CEP135: variants seen among roughly 807,000 people sequenced by gnomAD.
CEP135 encodes the protein centrosomal protein 135.
In CEP135, 142 loss-of-function variants were observed where a neutral mutation model predicts 157.3. The observed-to-expected ratio is 0.90, with a 90% confidence interval of 0.79 to 1.04. CEP135 has a LOEUF of 1.04. Ranked by LOEUF, CEP135 falls within the 50% of genes least tolerant of loss-of-function variation. The pLI, the probability that CEP135 is intolerant of heterozygous loss-of-function variation, is 0.00. For missense variants in CEP135, 1,317 were observed against 1,309.2 expected (o/e 1.01, Z -0.09); for synonymous variants, 396 against 439.8 (o/e 0.90, Z 1.25).
At chr4:55,986,683 AGG>A (rs1560410571) in intron 14 of CEP135, among the ~76,000 whole-genome samples, 1 of 152,170 alleles carries the variant, frequency 6.6e-6, no homozygotes, top group African/African-American at 2.4e-5. Context: ...TTTTAGATTC[AGG>A]GGTACATGTA....
rs1560397171 is a variant in CEP135, at chr4:55,957,129, A to T, written c.473-94A>T. ...TGTCAATATGTATTATGAACTGCAG[A>T]CACACTTTATAACCGAAAGGCTAAC... On this transcript the variant is annotated intron_variant, in intron 4 of 25. Transcript: ENST00000257287. 1.2e-5 allele frequency: 16 copies of T among 1,314,936 alleles called. No homozygotes were observed. In the South Asian group the frequency reaches 2.1e-4, roughly 17 times the overall value. 81.5% of individuals were successfully genotyped at this position (1,314,936 alleles called of 1,614,324 possible).
chr4:55,967,667 T>A (rs1374085038), intron 8 of CEP135, among the ~76,000 whole-genome samples: 2 of 152,214 alleles, frequency 1.3e-5, no homozygotes, highest in Non-Finnish European at 2.9e-5. Flanking sequence ...AAGTGTTCAA[T>A]TTATCCCAGG....
chr4:56,012,352 G>A (rs1292480244), intron 21 of CEP135, among the ~76,000 whole-genome samples: 1 of 152,138 alleles, frequency 6.6e-6, no homozygotes. Context: ...CACCGCACCC[G>A]GCCTCAAAGA....
At chr4:56,002,353 G>C (rs150174310) in intron 17 of CEP135, among the ~76,000 whole-genome samples, 1 of 151,906 alleles carries the variant, frequency 6.6e-6, no homozygotes, top group Non-Finnish European at 1.5e-5. Flanking sequence ...AGTTTTCCCC[G>C]TTCAATATTA....
At chr4:55,980,710 G>A (rs991295918) in intron 12 of CEP135, among the ~76,000 whole-genome samples, 3 of 152,168 alleles carry the variant, frequency 2.0e-5, no homozygotes, top group Non-Finnish European at 4.4e-5. Flanking sequence ...GAGGGAATTG[G>A]TATTCAGCTT....
intron 14 of CEP135, among the ~76,000 whole-genome samples, chr4:55,988,793 T>TA (rs557226231): frequency 2.2e-4 from 31 of 143,510 alleles, no homozygotes; most frequent in Admixed American, 4.9e-4. Context: ...CCGTCTCTAC[T>TA]AAAAAAAAAA....
chr4:56,019,403 A>G lies in CEP135; in HGVS notation c.3063A>G (p.Lys1021=), dbSNP rs1272038253. Residue 1021 remains lysine, a synonymous_variant, in exon 23 of 26, where the codon AAA becomes AAG. Coordinates refer to ENST00000257287, the MANE Select transcript of CEP135 (RefSeq NM_025009.5). ...NVKSESDLLK[K]QLSNERHTVK... The stretch of plus-strand genomic sequence containing the variant: ...AGTCAGAGTCAGACCTACTGAAAAA[A>G]CAACTTTCAAATGAGAGACATACAG... The G allele has an allele frequency of 2.5e-6, 4 of 1,613,796 alleles. No individual in the cohort carries two copies. Among genetic ancestry groups the G allele is most frequent in the Admixed American group, 1.7e-5 (1 of 59,988 alleles).
At chr4:55,985,039 A>G (rs937315709) in intron 13 of CEP135, among the ~76,000 whole-genome samples, 6 of 152,222 alleles carry the variant, frequency 3.9e-5, no homozygotes, top group Non-Finnish European at 2.9e-5. Flanking sequence ...TTACTAATCT[A>G]TGTCTTCTAC....
rs1731416407 is a variant in CEP135, at chr4:56,033,007, C to T, written c.*1659C>T. 6.6e-6 allele frequency: 1 copy of T among 151,864 alleles called. No homozygotes were observed. The highest frequency in any genetic ancestry group is 1.5e-5 in the Non-Finnish European group (1 of 67,964). 9.4% of individuals were successfully genotyped at this position (151,864 alleles called of 1,614,324 possible). On this transcript the variant is annotated 3_prime_UTR_variant, in exon 26 of 26. Transcript: ENST00000257287. Reference sequence around the variant, plus strand: ...CTTTGTAATTTTATGTATCCCATCTCCTTTGTGTGAATTCATATATTATAG... The same window carrying T: ...CTTTGTAATTTTATGTATCCCATCTTCTTTGTGTGAATTCATATATTATAG...
intron 15 of CEP135, among the ~76,000 whole-genome samples, chr4:55,992,681 G>A (rs1201068256): frequency 6.6e-6 from 1 of 152,172 alleles, no homozygotes; most frequent in Non-Finnish European, 1.5e-5. Flanking sequence ...TGAAGCAGTG[G>A]TAATGAACTT....
chr4:55,974,976 T>C lies in CEP135; in HGVS notation c.1473+7T>C, dbSNP rs1358085703. 3 of 1,582,082 alleles carry C rather than the reference T, an allele frequency of 1.9e-6. No individual in the cohort carries two copies. The highest frequency in any genetic ancestry group is 2.6e-6 in the Non-Finnish European group (3 of 1,160,058). ...ATTTAGAACACCAGAAAAGGTAATGTCCCTTTATAAGAGTAGGCCAGAAAG... is the reference window on the plus strand; with the variant it reads ...ATTTAGAACACCAGAAAAGGTAATGCCCCTTTATAAGAGTAGGCCAGAAAG... On this transcript the variant is annotated splice_region_variant and intron_variant, in intron 11 of 25. Transcript: ENST00000257287.
chr4:56,008,782 C>T (rs1374320803), intron 18 of CEP135, among the ~76,000 whole-genome samples: 1 of 152,150 alleles, frequency 6.6e-6, no homozygotes, highest in Non-Finnish European at 1.5e-5. Context: ...AGATTGTAAG[C>T]CACTTCAAGA....
At position 55,958,209 on chromosome 4, in the gene CEP135, A is replaced by G. The variant is rs567934999; in HGVS notation, c.614+845A>G. Among the ~76,000 whole-genome samples, 213 of 152,328 alleles carry G rather than the reference A, an allele frequency of 1.4e-3. 1 individual carries two copies. The highest frequency in any genetic ancestry group is 1.0e-3 in the South Asian group (5 of 4,832). Reference sequence around the variant, plus strand: ...CAGCACTTTGGGAGGCCAAGGCAGGAGGATCGCTTGAACCCATGAATTCAA... The same window carrying G: ...CAGCACTTTGGGAGGCCAAGGCAGGGGGATCGCTTGAACCCATGAATTCAA... On this transcript the variant is annotated intron_variant, in intron 5 of 25. Transcript: ENST00000257287.
intron 15 of CEP135, among the ~76,000 whole-genome samples, chr4:55,992,487 C>T (rs965251200): frequency 2.0e-5 from 3 of 152,128 alleles, no homozygotes; most frequent in African/African-American, 7.2e-5. Context: ...TTCAGTGAAA[C>T]GTAAAGTCAA....
chr4:55,983,638 C>CTTTTTT (rs11356001), intron 13 of CEP135, among the ~76,000 whole-genome samples: 1 of 146,998 alleles, frequency 6.8e-6, no homozygotes. Context: ...ACAATAGCCT[C>CTTTTTT]TTTTTTTTTT....
intron 21 of CEP135, among the ~76,000 whole-genome samples, chr4:56,014,663 C>G (rs1319114105): frequency 6.6e-6 from 1 of 152,080 alleles, no homozygotes; most frequent in East Asian, 1.9e-4. Flanking sequence ...ATCCTGGTTT[C>G]TCCTTGTTAC....
Position 55,974,896 on chromosome 4 carries a change from T to C in CEP135, c.1400T>C (p.Ile467Thr), listed in dbSNP as rs1165608536. The C allele has an allele frequency of 6.2e-6, 10 of 1,613,496 alleles. No individual in the cohort carries two copies. Among genetic ancestry groups the C allele is most frequent in the Non-Finnish European group, 8.5e-6 (10 of 1,179,788 alleles). ...YKKELERLQH[I>T]IQRRSCSTSY... ...AAAGAGCTAGAGAGACTCCAACATA[T>C]AATACAGCGAAGATCTTGCTCTACA... The change falls in exon 11 of 26, where the codon ATA becomes ACA. Residue 467 changes from isoleucine (I) to threonine (T), a missense_variant. Transcript: ENST00000257287.
intron 3 of CEP135, among the ~76,000 whole-genome samples, 179 bp from the exon 4 acceptor site, chr4:55,954,037 G>A (rs929728689): frequency 6.6e-6 from 1 of 152,176 alleles, no homozygotes; most frequent in East Asian, 1.9e-4. Flanking sequence ...TTTGTGCTTA[G>A]TGAGTTATTT....
rs1288181112 is a variant in CEP135, at chr4:55,999,289, A to G, written c.2010-13A>G. 3 of 1,588,564 alleles carry G rather than the reference A, an allele frequency of 1.9e-6. No homozygotes were observed. The highest frequency in any genetic ancestry group is 2.7e-5 in the African/African-American group (2 of 74,186). On this transcript the variant is annotated splice_polypyrimidine_tract_variant and intron_variant, in intron 15 of 25. Coordinates refer to ENST00000257287, the MANE Select transcript of CEP135 (RefSeq NM_025009.5). ...TAAAGAATACCATTTGTTTTTGTCC[A>G]TTGATTCTTTAGGATAGTGAATGAG...
Sources: gnomAD v4.1 joint callset for allele counts (sites outside exome capture counted in the v4.1 genomes callset) on GRCh38, gnomAD v4.1.1 for gene constraint, MANE v1.5 for transcripts, NCBI Gene and HGNC (gene_info 2026-07-23, HGNC 2026-07-21) for gene names.